The following SPATA16 variants were observed in gnomAD, a reference collection of about 807,000 sequenced individuals.
SPATA16 encodes spermatogenesis-associated protein 16.
A neutral mutation model predicts 63.3 loss-of-function variants in SPATA16; 36 were observed. That is an observed-to-expected ratio of 0.57 (90% CI 0.44 to 0.75). SPATA16 has a LOEUF of 0.75. Among genes scored for constraint, SPATA16 ranks in the 30% least tolerant of loss-of-function variants. The pLI is 0.00. For missense variants in SPATA16, 646 were observed against 679.3 expected, an observed-to-expected ratio of 0.95 and a Z score of 0.54; for synonymous variants, 203 against 216.7, an observed-to-expected ratio of 0.94 and a Z score of 0.56.
At chr3:172,907,332 C>T (rs1372975363) in intron 10 of SPATA16, among the ~76,000 whole-genome samples, 1 of 152,182 alleles carries the variant, frequency 6.6e-6, no homozygotes, top group Non-Finnish European at 1.5e-5. Context: ...CCACTCCTAC[C>T]ACTGCGTTCA....
At chr3:173,088,026 CTTTCTT>C (rs1215363601) in intron 2 of SPATA16, among the ~76,000 whole-genome samples, 1 of 120,530 alleles carries the variant, frequency 8.3e-6, no homozygotes, top group Non-Finnish European at 1.8e-5. Context: ...TTCTTTCTTT[CTTTCTT>C]TCTTTCTTTC....
At chr3:173,099,378 A>G (rs1178449871) in intron 2 of SPATA16, among the ~76,000 whole-genome samples, 1 of 152,188 alleles carries the variant, frequency 6.6e-6, no homozygotes, top group Non-Finnish European at 1.5e-5. Context: ...CTTGTGTCTA[A>G]CTTATAAATT....
chr3:172,930,671 G>A (rs1005911748), intron 6 of SPATA16, among the ~76,000 whole-genome samples: 1 of 144,874 alleles, frequency 6.9e-6, no homozygotes, highest in Admixed American at 7.4e-5. Flanking sequence ...CCATTCTCCT[G>A]CCTCAGCCTC....
At chr3:172,919,039 A>G (rs1481456825) in intron 8 of SPATA16, among the ~76,000 whole-genome samples, 2 of 152,252 alleles carry the variant, frequency 1.3e-5, no homozygotes, top group East Asian at 3.8e-4. Context: ...AAATGTGCAT[A>G]TGTAAACATT....
At chr3:172,995,983 T>C (rs1734684220) in intron 4 of SPATA16, among the ~76,000 whole-genome samples, 1 of 152,128 alleles carries the variant, frequency 6.6e-6, no homozygotes, top group African/African-American at 2.4e-5. Flanking sequence ...TTTTTTTCTG[T>C]TCAAGTATCC....
At chr3:173,047,620 C>T (rs1187162865) in intron 3 of SPATA16, among the ~76,000 whole-genome samples, 2 of 151,784 alleles carry the variant, frequency 1.3e-5, no homozygotes, top group African/African-American at 4.8e-5. Flanking sequence ...AGTATTTTTC[C>T]CACAAATCAC....
chr3:173,066,981 A>G (rs1736536108), intron 2 of SPATA16, among the ~76,000 whole-genome samples: 1 of 120,236 alleles, frequency 8.3e-6, no homozygotes, highest in Non-Finnish European at 1.6e-5. Flanking sequence ...ATAATAAGAA[A>G]TTAAACAAAT....
chr3:173,088,493 T>G (rs73044998), intron 2 of SPATA16, among the ~76,000 whole-genome samples: 5,561 of 152,236 alleles, frequency 0.037, 343 homozygotes, highest in African/African-American at 0.13. Flanking sequence ...TATGGAATTT[T>G]TACACATATG....
At chr3:173,043,954 A>G (rs1437826519) in intron 3 of SPATA16, among the ~76,000 whole-genome samples, 2 of 152,140 alleles carry the variant, frequency 1.3e-5, no homozygotes, top group Admixed American at 6.6e-5. Flanking sequence ...ATTTCTGATT[A>G]AGAGTTACCA....
chr3:173,054,362 C>T (rs952729267), intron 2 of SPATA16, among the ~76,000 whole-genome samples: 8 of 152,076 alleles, frequency 5.3e-5, no homozygotes, highest in African/African-American at 1.9e-4. Flanking sequence ...CAATTTACAA[C>T]AGCAAAGACA....
chr3:173,040,494 A>G (rs1735815068), intron 3 of SPATA16, among the ~76,000 whole-genome samples: 1 of 152,146 alleles, frequency 6.6e-6, no homozygotes, highest in Admixed American at 6.6e-5. Flanking sequence ...GACTTGCTAA[A>G]TGTTATTATT....
chr3:173,050,720 C>T (rs765003434), intron 2 of SPATA16, among the ~76,000 whole-genome samples: 5 of 152,078 alleles, frequency 3.3e-5, no homozygotes, highest in African/African-American at 4.8e-5. Context: ...CACTTTTACT[C>T]ATGTTTTGTA....
At chr3:172,966,463 A>G (rs541432041) in intron 5 of SPATA16, among the ~76,000 whole-genome samples, 1 of 152,268 alleles carries the variant, frequency 6.6e-6, no homozygotes, top group East Asian at 1.9e-4. Context: ...TGTAGGCTGC[A>G]CTATATATAT....
chr3:173,003,992 G>T (rs1351497908), intron 4 of SPATA16, among the ~76,000 whole-genome samples: 1 of 152,148 alleles, frequency 6.6e-6, no homozygotes, highest in Non-Finnish European at 1.5e-5. Context: ...AGGGTCATTT[G>T]CAATTCTGGG....
chr3:173,082,022 G>A (rs781224768), intron 2 of SPATA16, among the ~76,000 whole-genome samples: 6 of 152,112 alleles, frequency 3.9e-5, no homozygotes, highest in African/African-American at 9.7e-5. Flanking sequence ...TGTAGATTAC[G>A]TAAGTAGAAT....
chr3:173,099,332 C>A (rs1190098843), intron 2 of SPATA16, among the ~76,000 whole-genome samples: 1 of 152,092 alleles, frequency 6.6e-6, no homozygotes, highest in Non-Finnish European at 1.5e-5. Flanking sequence ...TTTATTACAG[C>A]ATATTGTTCT....
At chr3:173,009,982 C>T (rs1735027507) in intron 4 of SPATA16, among the ~76,000 whole-genome samples, 1 of 152,070 alleles carries the variant, frequency 6.6e-6, no homozygotes. Context: ...TGGGAGGGAA[C>T]CACTCCAAGT....
At chr3:173,059,789 T>A (rs113066933) in intron 2 of SPATA16, among the ~76,000 whole-genome samples, 603 of 144,240 alleles carry the variant, frequency 4.2e-3, no homozygotes, top group African/African-American at 0.013. Context: ...CCATCCCACA[T>A]AAATGAACTC....
At chr3:173,110,702 C>T (rs1315111105) in intron 2 of SPATA16, among the ~76,000 whole-genome samples, 1 of 152,192 alleles carries the variant, frequency 6.6e-6, no homozygotes, top group Non-Finnish European at 1.5e-5. Context: ...GTTGCTCAAA[C>T]TCACATAGCA....
Sources: allele counts gnomAD v4.1 joint callset (sites outside exome capture counted in the v4.1 genomes callset), GRCh38; gene constraint gnomAD v4.1.1; transcripts MANE v1.5; gene names NCBI Gene and HGNC (gene_info 2026-07-23, HGNC 2026-07-21).